The following TMEM94 variants were observed in gnomAD, a reference collection of about 807,000 sequenced individuals.
TMEM94 encodes transmembrane protein 94.
In TMEM94, 81 loss-of-function variants were observed where a neutral mutation model predicts 158.6. The observed-to-expected ratio is 0.51, with a 90% CI of 0.43 to 0.61. The LOEUF (loss-of-function observed/expected upper bound fraction) is 0.61. TMEM94 is among the 20% of genes least tolerant of loss of function. The pLI, the probability that TMEM94 is intolerant of heterozygous loss-of-function variation, is 0.00. For missense variants in TMEM94, 1,435 were observed against 1,762.0 expected, an observed-to-expected ratio of 0.81 and a Z score of 3.32; for synonymous variants, 751 against 730.7, an observed-to-expected ratio of 1.03 and a Z score of -0.45.
At chr17:75,471,950 TTATAGG>T in intron 2 of TMEM94, 21 bp downstream of exon 2, 1 of 1,612,316 alleles carries the variant, frequency 6.2e-7, no homozygotes, top group Non-Finnish European at 8.5e-7. Context: ...TCCTATTACC[TTATAGG>T]TATTGTCTGT....
chr17:75,489,094 C>T lies in TMEM94; in HGVS notation c.765-172C>T, dbSNP rs1239272661. On this transcript the variant is annotated intron_variant, in intron 7 of 31. Coordinates refer to ENST00000314256, the MANE Select transcript of TMEM94 (RefSeq NM_014738.6). This position sits in a 1 kb window ranked among gnomAD's most constrained non-coding sequence, Gnocchi z 5.0. ...GTGGTGCCCTCTCCCAGTCTCTACT[C>T]TGAGGGGACAGCTCTGGAGGTGAAC... Among the ~76,000 whole-genome samples, 1 of 152,234 alleles carries T rather than the reference C, an allele frequency of 6.6e-6. No homozygotes were observed. Among genetic ancestry groups the T allele is most frequent in the Non-Finnish European group, 1.5e-5 (1 of 68,042 alleles).
At chr17:75,459,270 G>A (rs2049992621) in intron 1 of TMEM94, among the ~76,000 whole-genome samples, 1 of 152,152 alleles carries the variant, frequency 6.6e-6, no homozygotes. Flanking sequence ...GACCAGGGAG[G>A]TGAAGTACAA....
rs1460439296 is a variant in TMEM94 at position 75,495,011 on chromosome 17, C to T, written c.2705C>T (p.Ser902Phe). ...CCCTCCAGCCCCAGCCACGCAGGCT[C>T]CCTGCATGATGACCTGAATCAGGGT... ...IPPSSPSHAG[S>F]LHDDLNQVSR... is the part of the protein sequence containing the mutation. Residue 902 changes from serine (S) to phenylalanine (F), a missense_variant, in exon 20 of 32, where the codon TCC becomes TTC. By Grantham distance (155) the Ser-to-Phe change is radical. Coordinates refer to ENST00000314256, the MANE Select transcript of TMEM94 (RefSeq NM_014738.6). This position sits in a 1 kb window ranked among gnomAD's most constrained non-coding sequence, Gnocchi z 5.6. 2 of 1,613,272 alleles carry T rather than the reference C, an allele frequency of 1.2e-6. No individual in the cohort carries two copies. The highest frequency in any genetic ancestry group is 1.1e-5 in the South Asian group (1 of 91,060).
At chr17:75,474,365 G>A (rs2050598031) in intron 2 of TMEM94, among the ~76,000 whole-genome samples, 1 of 152,088 alleles carries the variant, frequency 6.6e-6, no homozygotes, top group Non-Finnish European at 1.5e-5. Flanking sequence ...AATTAGCTGG[G>A]TGTGGTGGCA....
In TMEM94 at chr17:75,490,221, C is replaced by T. The variant is rs1016407123; in HGVS notation, c.955-13C>T. 4.3e-6 allele frequency: 7 copies of T among 1,613,748 alleles called. No homozygotes were observed. The highest frequency in any genetic ancestry group is 2.7e-5 in the African/African-American group (2 of 74,936). On this transcript the variant is annotated splice_polypyrimidine_tract_variant and intron_variant, in intron 9 of 31. Transcript: ENST00000314256. Reference sequence around the variant, plus strand: ...GAGCTCAGGAGCCATCTGTGTGGTCCGCTCCTTCCCAGGTGAATGGCGTCC... The same window carrying T: ...GAGCTCAGGAGCCATCTGTGTGGTCTGCTCCTTCCCAGGTGAATGGCGTCC...
chr17:75,462,155 C>A (rs1009649496), intron 1 of TMEM94, among the ~76,000 whole-genome samples: 2 of 151,160 alleles, frequency 1.3e-5, no homozygotes, highest in Non-Finnish European at 2.9e-5. Context: ...GGACTACAGG[C>A]GCCCACCAGC....
Position 75,463,184 on chromosome 17 carries a change from A to G in TMEM94, c.-107+6433A>G, listed in dbSNP as rs1367305052. Among the ~76,000 whole-genome samples, 12 of 129,096 alleles carry G rather than the reference A, an allele frequency of 9.3e-5. 3 individuals carry two copies. The highest frequency in any genetic ancestry group is 2.6e-4 in the African/African-American group (8 of 30,474). The allele number at this position is 129,096 out of a possible 152,430, so 84.7% of individuals were successfully genotyped here. ...TATGTGTGTGTGTGTGTGTGTATAT[A>G]TATATATATATATACAGTTTAAATT... On this transcript the variant is annotated intron_variant, in intron 1 of 31. Coordinates refer to ENST00000314256, the MANE Select transcript of TMEM94 (RefSeq NM_014738.6).
Position 75,492,640 on chromosome 17 carries a change from A to T in TMEM94, c.1763A>T (p.Asn588Ile). ...HLTSLKPLGL[N>I]VLLNLCDASV... ...ACCTCCCTCAAACCCCTGGGCCTCAATGTGCTGCTGAACCTGTGTGATGCC... is the reference window on the plus strand; with the variant it reads ...ACCTCCCTCAAACCCCTGGGCCTCATTGTGCTGCTGAACCTGTGTGATGCC... Residue 588 changes from asparagine (N) to isoleucine (I), a missense_variant, in exon 15 of 32, where the codon AAT becomes ATT. Asn to Ile is a moderately radical substitution (Grantham distance 149, BLOSUM62 -3). Around this residue, in one of 3 missense-constraint regions of TMEM94, gnomAD observed 1,051 missense variants for 1,254.4 expected, o/e 0.84. Transcript: ENST00000314256. The surrounding 1 kb of genome is among the most constrained non-coding windows in gnomAD (Gnocchi z 4.4). 29 of 1,613,908 alleles carry T rather than the reference A, an allele frequency of 1.8e-5. No individual in the cohort carries two copies. The highest frequency in any genetic ancestry group is 2.5e-5 in the Non-Finnish European group (29 of 1,179,964).
In TMEM94 at chr17:75,485,610, C is replaced by T. The variant is rs1175254990; in HGVS notation, c.144+63C>T. The stretch of plus-strand genomic sequence containing the variant: ...GATGGCAGGGAAGTGTGGGAGGCCC[C>T]TTCTCAGGACTCTGATGTACCCTGT... On this transcript the variant is annotated intron_variant, in intron 3 of 31. Coordinates refer to ENST00000314256, the MANE Select transcript of TMEM94 (RefSeq NM_014738.6). The surrounding 1 kb of genome is among the most constrained non-coding windows in gnomAD (Gnocchi z 5.5). 28 of 1,604,376 alleles carry T rather than the reference C, an allele frequency of 1.7e-5. No individual in the cohort carries two copies. The highest frequency in any genetic ancestry group is 2.3e-5 in the Non-Finnish European group (27 of 1,172,536).
In TMEM94 at chr17:75,495,646, G is replaced by A; in HGVS notation, c.2944+3G>A. The A allele has an allele frequency of 6.2e-7, 1 of 1,613,236 alleles. No homozygotes were observed. Among genetic ancestry groups the A allele is most frequent in the South Asian group, 1.1e-5 (1 of 91,074 alleles). Reference sequence around the variant, plus strand: ...TTTCACCGACTGCACCCCAGAGAGTGAGTGCTGTGGCCATGGGTACTTGGG... The same window carrying A: ...TTTCACCGACTGCACCCCAGAGAGTAAGTGCTGTGGCCATGGGTACTTGGG... On this transcript the variant is annotated splice_donor_region_variant and intron_variant, in intron 22 of 31. Transcript: ENST00000314256. This position sits in a 1 kb window ranked among gnomAD's most constrained non-coding sequence, Gnocchi z 5.6.
In TMEM94 at chr17:75,492,287, G is replaced by A; in HGVS notation, c.1597-187G>A. On this transcript the variant is annotated intron_variant, in intron 14 of 31. Coordinates refer to ENST00000314256, the MANE Select transcript of TMEM94 (RefSeq NM_014738.6). This position sits in a 1 kb window ranked among gnomAD's most constrained non-coding sequence, Gnocchi z 4.4. ...ATTAATAGTCCATAGAAGCAGACAG[G>A]AGCCCAAGAAGGACAGGAAGCGGAT... 3 of 1,427,350 alleles carry A rather than the reference G, an allele frequency of 2.1e-6. No homozygotes were observed. Among genetic ancestry groups the A allele is most frequent in the Non-Finnish European group, 2.7e-6 (3 of 1,096,186 alleles). The allele number at this position is 1,427,350 out of a possible 1,614,324, so 88.4% of individuals were successfully genotyped here. A position where few individuals can be genotyped will look rare whatever the true frequency, so the allele number is the denominator to read the frequency against.
At chr17:75,462,630 C>T (rs2050116328) in intron 1 of TMEM94, among the ~76,000 whole-genome samples, 1 of 151,058 alleles carries the variant, frequency 6.6e-6, no homozygotes. Flanking sequence ...TCGCTTGAGG[C>T]CAGGAGTTCG....
chr17:75,495,205 G>A lies in TMEM94; in HGVS notation c.2729-79G>A. ...AGTCAGCAGGAAGGAGTGGACACAG[G>A]CAAAAAATTCTCTGCAGGGCAAGGA... On this transcript the variant is annotated intron_variant, in intron 20 of 31. Transcript: ENST00000314256. This position sits in a 1 kb window ranked among gnomAD's most constrained non-coding sequence, Gnocchi z 5.6. The A allele has an allele frequency of 7.1e-7, 1 of 1,413,060 alleles. No individual in the cohort carries two copies. Among genetic ancestry groups the A allele is most frequent in the Non-Finnish European group, 9.6e-7 (1 of 1,036,386 alleles). 87.5% of individuals were successfully genotyped at this position (1,413,060 alleles called of 1,614,324 possible).
chr17:75,475,247 C>T (rs527918090), intron 2 of TMEM94, among the ~76,000 whole-genome samples: 1 of 152,312 alleles, frequency 6.6e-6, no homozygotes, highest in East Asian at 1.9e-4. Flanking sequence ...TCTGGACTGC[C>T]CGGGCCCTCC....
chr17:75,472,174 T>C (rs548124729), intron 2 of TMEM94, among the ~76,000 whole-genome samples: 25 of 152,298 alleles, frequency 1.6e-4, no homozygotes, highest in Non-Finnish European at 1.6e-4. Context: ...GGGTTTCTGA[T>C]TTAGGCTGGC....
At chr17:75,477,995 G>C (rs1220872014) in intron 2 of TMEM94, among the ~76,000 whole-genome samples, 1 of 126,322 alleles carries the variant, frequency 7.9e-6, no homozygotes, top group African/African-American at 3.2e-5. Context: ...AACAAAGCGA[G>C]ACTCCATCTT....
At chr17:75,483,768 T>G (rs147468281) in intron 2 of TMEM94, among the ~76,000 whole-genome samples, 2 of 151,966 alleles carry the variant, frequency 1.3e-5, no homozygotes, top group African/African-American at 4.8e-5. Flanking sequence ...GAGTTCAGGT[T>G]TTTGGACACA....
In TMEM94 at chr17:75,481,704, C is replaced by T. The variant is rs368164062; in HGVS notation, c.25-3724C>T. Among the ~76,000 whole-genome samples the T allele has an allele frequency of 1.2e-4, 19 of 152,326 alleles. No individual in the cohort carries two copies. In the South Asian group the frequency reaches 3.3e-3, roughly 27 times the overall value. ...ATAGAGGGTGGGGAGAGCAGTGAGA[C>T]GAGGCAGCCAGGGGTCACCAGCCCC... On this transcript the variant is annotated intron_variant, in intron 2 of 31. Transcript: ENST00000314256.
At position 75,462,011 on chromosome 17, in the gene TMEM94, GT is replaced by G. The variant is rs1156728166; in HGVS notation, c.-107+5274del. 5.6e-3 allele frequency among the ~76,000 whole-genome samples: 522 copies of G among 92,880 alleles called. 16 individuals carry two copies. The highest frequency in any genetic ancestry group is 0.025 in the Middle Eastern group (2 of 80). 60.9% of individuals were successfully genotyped at this position (92,880 alleles called of 152,430 possible). Reference sequence around the variant, plus strand: ...AGTTTTTTTTGTTTTGTTTTGTTTTGTTTTTTTTTTTTTTGAGGCAGAGTCT... The same window carrying G: ...AGTTTTTTTTGTTTTGTTTTGTTTTGTTTTTTTTTTTTTGAGGCAGAGTCT... On this transcript the variant is annotated intron_variant, in intron 1 of 31. Transcript: ENST00000314256.
Sources: allele counts gnomAD v4.1 joint callset (sites outside exome capture counted in the v4.1 genomes callset), GRCh38; gene constraint gnomAD v4.1.1; regional missense constraint gnomAD v4.1.1; non-coding constraint Gnocchi (gnomAD v3.1); transcripts MANE v1.5; gene names NCBI Gene and HGNC (gene_info 2026-07-23, HGNC 2026-07-21).